Variants in DCUN1D3 observed in about 807,000 individuals in gnomAD.
DCUN1D3 encodes the protein defective in cullin neddylation 1 domain containing 3.
A neutral mutation model predicts 24.8 loss-of-function variants in DCUN1D3; 6 were observed. That is an observed-to-expected ratio of 0.24 (90% CI 0.13 to 0.48). The LOEUF (loss-of-function observed/expected upper bound fraction) is 0.48. Among genes scored for constraint, DCUN1D3 ranks in the 20% least tolerant of loss-of-function variants. The pLI is 0.99. For missense variants in DCUN1D3, 258 were observed against 379.4 expected (o/e 0.68, Z 2.66); for synonymous variants, 120 against 144.9 (o/e 0.83, Z 1.24).
intron 1 of DCUN1D3, among the ~76,000 whole-genome samples, chr16:20,897,585 T>C (rs971125171): frequency 6.6e-6 from 1 of 152,234 alleles, no homozygotes; most frequent in Admixed American, 6.5e-5. Context: ...GATGGTCATC[T>C]TGGTAGATGG....
intron 1 of DCUN1D3, among the ~76,000 whole-genome samples, chr16:20,882,798 A>G (rs1366967526): frequency 6.6e-6 from 1 of 152,230 alleles, no homozygotes; most frequent in Non-Finnish European, 1.5e-5. Context: ...CTTTGAATAC[A>G]ACCATGAAAG....
At chr16:20,885,856 G>C (rs937104598) in intron 1 of DCUN1D3, among the ~76,000 whole-genome samples, 1 of 152,150 alleles carries the variant, frequency 6.6e-6, no homozygotes, top group African/African-American at 2.4e-5. Context: ...CAGCTCTTGA[G>C]ATGGGACAGA....
At chr16:20,899,548 C>T (rs1417267022) in intron 1 of DCUN1D3, among the ~76,000 whole-genome samples, 1 of 152,020 alleles carries the variant, frequency 6.6e-6, no homozygotes, top group African/African-American at 2.4e-5. Context: ...AAAAAAAAAT[C>T]CACTATTGCC....
At chr16:20,898,282 C>G (rs1479155060) in intron 1 of DCUN1D3, among the ~76,000 whole-genome samples, 1 of 152,212 alleles carries the variant, frequency 6.6e-6, no homozygotes, top group African/African-American at 2.4e-5. Context: ...ACAGTTAAGA[C>G]ACTTTCAATC....
At chr16:20,891,000 T>C (rs1222021218) in intron 1 of DCUN1D3, among the ~76,000 whole-genome samples, 1 of 142,966 alleles carries the variant, frequency 7.0e-6, no homozygotes, top group East Asian at 2.0e-4. Flanking sequence ...TAAAAAATGA[T>C]TTTTTTTTTT....
intron 1 of DCUN1D3, among the ~76,000 whole-genome samples, chr16:20,895,047 G>T (rs534304006): frequency 5.1e-4 from 77 of 152,190 alleles, no homozygotes; most frequent in South Asian, 1.9e-3. Context: ...AAAATAATAT[G>T]AATTTTTTAA....
intron 1 of DCUN1D3, among the ~76,000 whole-genome samples, chr16:20,875,064 C>T (rs2081807032): frequency 6.6e-6 from 1 of 152,096 alleles, no homozygotes; most frequent in African/African-American, 2.4e-5. Flanking sequence ...TCTATTAAAA[C>T]CCTGCCCTAG....
chr16:20,887,935 T>A (rs2081874649), intron 1 of DCUN1D3, among the ~76,000 whole-genome samples: 1 of 152,164 alleles, frequency 6.6e-6, no homozygotes, highest in Non-Finnish European at 1.5e-5. Flanking sequence ...TCCATAGGGT[T>A]TCAGGAGGAA....
Position 20,856,087 on chromosome 16 carries a change from G to A in DCUN1D3, c.*3799C>T, listed in dbSNP as rs193244114. The A allele has an allele frequency of 6.6e-6, 1 of 152,144 alleles. No individual in the cohort carries two copies. Among genetic ancestry groups the A allele is most frequent in the Admixed American group, 6.5e-5 (1 of 15,298 alleles). 9.4% of individuals were successfully genotyped at this position (152,144 alleles called of 1,614,324 possible). A position where few individuals can be genotyped will look rare whatever the true frequency, so the allele number is the denominator to read the frequency against. On this transcript the variant is annotated 3_prime_UTR_variant, in exon 3 of 3. Transcript: ENST00000324344. ...GCCTTAACCTTATAATTGCATAACT[G>A]AGTCTACACCTTTTGGGCTTTGCTG... is the stretch of plus-strand genomic sequence containing the variant.
At chr16:20,873,416 T>C (rs1487874573) in intron 1 of DCUN1D3, among the ~76,000 whole-genome samples, 4 of 152,160 alleles carry the variant, frequency 2.6e-5, no homozygotes, top group East Asian at 1.9e-4. Flanking sequence ...GTCTGGCCCA[T>C]GGATTGAGTG....
At chr16:20,881,953 G>C (rs8058628) in intron 1 of DCUN1D3, among the ~76,000 whole-genome samples, 95,997 of 151,758 alleles carry the variant, frequency 0.63, 31,335 homozygotes, top group Non-Finnish European at 0.72. Flanking sequence ...CAGGCGCATG[G>C]TACCACGCCC....
At position 20,857,611 on chromosome 16, in the gene DCUN1D3, C is replaced by A. The variant is rs540732473; in HGVS notation, c.*2275G>T. 1 of 152,194 alleles carries A rather than the reference C, an allele frequency of 6.6e-6. No homozygotes were observed. The highest frequency in any genetic ancestry group is 1.9e-4 in the East Asian group (1 of 5,190). 9.4% of individuals were successfully genotyped at this position (152,194 alleles called of 1,614,324 possible). ...CAAACTGGCTTAATGAAAAAGCAGTCTTTTTAAAACCTCAGTCTGGGTACC... is the reference window on the plus strand; with the variant it reads ...CAAACTGGCTTAATGAAAAAGCAGTATTTTTAAAACCTCAGTCTGGGTACC... On this transcript the variant is annotated 3_prime_UTR_variant, in exon 3 of 3. Transcript: ENST00000324344.
At chr16:20,863,587 T>C (rs114823981) in intron 1 of DCUN1D3, among the ~76,000 whole-genome samples, 1,942 of 151,674 alleles carry the variant, frequency 0.013, 58 homozygotes, top group African/African-American at 0.044. Flanking sequence ...CTACGAAAAA[T>C]AGAAAAAAAT....
intron 1 of DCUN1D3, among the ~76,000 whole-genome samples, chr16:20,877,487 C>T (rs374326489): frequency 6.6e-6 from 1 of 152,162 alleles, no homozygotes; most frequent in East Asian, 1.9e-4. Context: ...CTGCCTTATT[C>T]GCCACTTTAC....
chr16:20,867,251 G>C (rs1161796725), intron 1 of DCUN1D3, among the ~76,000 whole-genome samples: 2 of 152,148 alleles, frequency 1.3e-5, no homozygotes, highest in Non-Finnish European at 2.9e-5. Flanking sequence ...CATCTAGAGA[G>C]AACACATGAC....
chr16:20,893,237 G>A (rs113945714), intron 1 of DCUN1D3, among the ~76,000 whole-genome samples: 4 of 151,562 alleles, frequency 2.6e-5, no homozygotes, highest in African/African-American at 7.3e-5. Flanking sequence ...GCAGTGGTGC[G>A]ATCTCAGCTC....
chr16:20,893,704 T>C (rs1395631818), intron 1 of DCUN1D3, among the ~76,000 whole-genome samples: 4 of 152,154 alleles, frequency 2.6e-5, no homozygotes, highest in Admixed American at 2.6e-4. Flanking sequence ...AGAGGGCTCC[T>C]CAAAGCCCAG....
rs2081710121 is a variant in DCUN1D3, at chr16:20,857,891, C to A, written c.*1995G>T. ...ATCAGTTTTAGAAAAATACCAACTG[C>A]CAAAACTCTTTAATAATCCTTAAGA... On this transcript the variant is annotated 3_prime_UTR_variant, in exon 3 of 3. Transcript: ENST00000324344. 1 of 152,140 alleles carries A rather than the reference C, an allele frequency of 6.6e-6. No individual in the cohort carries two copies. Among genetic ancestry groups the A allele is most frequent in the Admixed American group, 6.5e-5 (1 of 15,278 alleles). The allele number at this position is 152,140 out of a possible 1,614,324, so 9.4% of individuals were successfully genotyped here. A position where few individuals can be genotyped will look rare whatever the true frequency, so the allele number is the denominator to read the frequency against.
chr16:20,862,736 T>G, intron 1 of DCUN1D3, 93 bp from the exon 2 acceptor site: 1 of 1,228,574 alleles, frequency 8.1e-7, no homozygotes, highest in Non-Finnish European at 1.1e-6. Context: ...CCGCTCTATT[T>G]CCATGAGCCA....
Sources: gnomAD v4.1 joint callset for allele counts (sites outside exome capture counted in the v4.1 genomes callset) on GRCh38, gnomAD v4.1.1 for gene constraint, MANE v1.5 for transcripts, NCBI Gene and HGNC (gene_info 2026-07-23, HGNC 2026-07-21) for gene names.